Variants in CACNA1A observed in about 807,000 individuals in gnomAD.
The protein encoded by CACNA1A is voltage-dependent P/Q-type calcium channel subunit alpha-1A.
CACNA1A carries 57 observed loss-of-function variants against 262.4 expected under a neutral mutation model. The ratio of observed to expected loss-of-function variants is 0.22; its 90% CI spans 0.18 to 0.27. CACNA1A has a LOEUF of 0.27. Among genes scored for constraint, CACNA1A ranks in the 10% least tolerant of loss-of-function variants. The probability of loss-of-function intolerance (pLI) is 1.00; values close to 1 mark genes in which losing one functional copy is unlikely to be tolerated. For missense variants in CACNA1A, 2,526 were observed against 3,562.8 expected, an observed-to-expected ratio of 0.71 and a Z score of 7.41; for synonymous variants, 1,431 against 1,419.3, an observed-to-expected ratio of 1.01 and a Z score of -0.18.
intron 6 of CACNA1A, among the ~76,000 whole-genome samples, chr19:13,336,542 C>A (rs2058567230): frequency 7.5e-6 from 1 of 133,274 alleles, no homozygotes; most frequent in African/African-American, 2.9e-5. Context: ...GGAAGAAAAT[C>A]AAGGAGAGGA....
intron 36 of CACNA1A, 75 bp from the exon 37 acceptor site, chr19:13,227,602 G>T: frequency 1.5e-6 from 1 of 675,932 alleles, no homozygotes; most frequent in Non-Finnish European, 2.4e-6. Context: ...GAGAACCAAA[G>T]GAAGAGAGGT....
chr19:13,244,835 A>G (rs932344980), intron 31 of CACNA1A: 7 of 266,052 alleles, frequency 2.6e-5, no homozygotes, highest in African/African-American at 1.3e-4. Context: ...GGCTCCTGAC[A>G]TAGGGTGGTG....
chr19:13,358,743 C>T (rs1228772897), intron 6 of CACNA1A, among the ~76,000 whole-genome samples: 3 of 152,118 alleles, frequency 2.0e-5, no homozygotes, highest in Non-Finnish European at 4.4e-5. Flanking sequence ...CAAAAGCAGA[C>T]CACATACTAC....
chr19:13,368,482 T>C (rs1417765538), intron 4 of CACNA1A, among the ~76,000 whole-genome samples: 1 of 152,058 alleles, frequency 6.6e-6, no homozygotes, highest in Non-Finnish European at 1.5e-5. Context: ...ACAGGCACAC[T>C]TCACCATACC....
At chr19:13,229,132 A>G (rs560384905) in intron 36 of CACNA1A, 58 of 175,926 alleles carry the variant, frequency 3.3e-4, no homozygotes, top group African/African-American at 1.3e-3. Flanking sequence ...TCAAAAGAGG[A>G]AGAGTTAGGA....
At chr19:13,499,085 C>G (rs1982032564) in intron 1 of CACNA1A, among the ~76,000 whole-genome samples, 1 of 151,962 alleles carries the variant, frequency 6.6e-6, no homozygotes, top group Non-Finnish European at 1.5e-5. Flanking sequence ...AAATTCTAAA[C>G]CAAAAGTTGA....
At chr19:13,420,355 C>A (rs564102074) in intron 3 of CACNA1A, among the ~76,000 whole-genome samples, 1 of 151,806 alleles carries the variant, frequency 6.6e-6, no homozygotes, top group East Asian at 2.0e-4. Context: ...TCGTGTTTAC[C>A]GAAACCTCAG....
At chr19:13,325,319 C>T (rs1034853845) in intron 10 of CACNA1A, among the ~76,000 whole-genome samples, 10 of 151,764 alleles carry the variant, frequency 6.6e-5, no homozygotes, top group Middle Eastern at 6.8e-3. Context: ...GGCAACATAG[C>T]GAGACCGTGT....
chr19:13,326,199 C>T (rs1017320831), intron 10 of CACNA1A, among the ~76,000 whole-genome samples: 2 of 151,856 alleles, frequency 1.3e-5, no homozygotes, highest in Non-Finnish European at 2.9e-5. Flanking sequence ...ACCTGTAGTC[C>T]CAGCTACTTG....
intron 38 of CACNA1A, among the ~76,000 whole-genome samples, chr19:13,223,992 C>T (rs1000691747): frequency 1.3e-5 from 2 of 151,916 alleles, no homozygotes; most frequent in Non-Finnish European, 2.9e-5. Context: ...CTGATGAAAC[C>T]CCATCTCTAT....
At chr19:13,343,855 ACCTTAG>A (rs1161403959) in intron 6 of CACNA1A, among the ~76,000 whole-genome samples, 1 of 152,150 alleles carries the variant, frequency 6.6e-6, no homozygotes, top group Non-Finnish European at 1.5e-5. Flanking sequence ...TTTACACTTG[ACCTTAG>A]CTAAAGGGCC....
rs367559329 is a variant in CACNA1A at position 13,450,139 on chromosome 19, CAA to C, written c.539+2735_539+2736del. On this transcript the variant is annotated intron_variant, in intron 3 of 46. Transcript: ENST00000360228. ...CTGGGTGACAGAGGGAGACTCTTGT[CAA>C]AAAAAAAAAAAAAAAAAAAAAGAGA... Among the ~76,000 whole-genome samples, 10 of 52,242 alleles carry C rather than the reference CAA, an allele frequency of 1.9e-4. No homozygotes were observed. The East Asian group carries it at 2.3e-3, about 12-fold the overall frequency. The allele number at this position is 52,242 out of a possible 152,430, so 34.3% of individuals were successfully genotyped here.
intron 22 of CACNA1A, among the ~76,000 whole-genome samples, chr19:13,282,202 A>C (rs2057307570): frequency 6.6e-6 from 1 of 152,202 alleles, no homozygotes; most frequent in East Asian, 1.9e-4. Context: ...AGTGCATGGT[A>C]AGCTGTGGGC....
intron 6 of CACNA1A, among the ~76,000 whole-genome samples, chr19:13,349,005 C>T (rs1225361253): frequency 4.9e-5 from 3 of 60,752 alleles, no homozygotes; most frequent in Admixed American, 1.6e-4. Context: ...GAGACGCTGT[C>T]TCAAAAAAAA....
At chr19:13,341,298 C>G (rs1194750383) in intron 6 of CACNA1A, among the ~76,000 whole-genome samples, 2 of 151,764 alleles carry the variant, frequency 1.3e-5, no homozygotes, top group Non-Finnish European at 2.9e-5. Context: ...GGCACCATGG[C>G]CCAGCTGACA....
intron 10 of CACNA1A, among the ~76,000 whole-genome samples, chr19:13,328,817 A>G (rs2058415117): frequency 6.6e-6 from 1 of 152,150 alleles, no homozygotes; most frequent in Non-Finnish European, 1.5e-5. Flanking sequence ...ACTAGGGGCG[A>G]GCGATAAAAG....
At chr19:13,293,630 G>GTTTT (rs2057595350) in intron 19 of CACNA1A, among the ~76,000 whole-genome samples, 1 of 146,538 alleles carries the variant, frequency 6.8e-6, no homozygotes. Flanking sequence ...TTTTTTTTTG[G>GTTTT]TATTTTTAGT....
At chr19:13,499,469 C>T (rs1982109848) in intron 1 of CACNA1A, among the ~76,000 whole-genome samples, 1 of 150,266 alleles carries the variant, frequency 6.7e-6, no homozygotes, top group Admixed American at 6.6e-5. Flanking sequence ...GCACTTCGCT[C>T]CCATTCCCAC....
At chr19:13,259,789 AG>A (rs541049161) in intron 26 of CACNA1A, 88 bp from the exon 27 acceptor site, 823 of 1,460,728 alleles carry the variant, frequency 5.6e-4, no homozygotes, top group Non-Finnish European at 7.3e-4. Context: ...GGGGAGGGAA[AG>A]GAAGAGTGGT....
Sources: gnomAD v4.1 joint callset for allele counts (sites outside exome capture counted in the v4.1 genomes callset) on GRCh38, gnomAD v4.1.1 for gene constraint, MANE v1.5 for transcripts, NCBI Gene and HGNC (gene_info 2026-07-23, HGNC 2026-07-21) for gene names.